Variants in ASXL2 observed in about 807,000 individuals in gnomAD.
The protein encoded by ASXL2 is putative Polycomb group protein ASXL2.
In ASXL2, 23 loss-of-function variants were observed where a neutral mutation model predicts 122.0. That is an observed-to-expected ratio of 0.19 (90% confidence interval 0.14 to 0.27). ASXL2 has a LOEUF of 0.27. Ranked by LOEUF, ASXL2 falls within the 10% of genes least tolerant of loss-of-function variation. The pLI, the probability that ASXL2 is intolerant of heterozygous loss-of-function variation, is 1.00. For synonymous variants in ASXL2, 650 were observed against 637.0 expected, an observed-to-expected ratio of 1.02 and a Z score of -0.31; for missense variants, 1,518 against 1,713.8, an observed-to-expected ratio of 0.89 and a Z score of 2.02.
intron 3 of ASXL2, chr2:25,810,649 C>A: frequency 1.3e-6 from 1 of 783,826 alleles, no homozygotes; most frequent in Non-Finnish European, 2.2e-6. Flanking sequence ...AGTGGTGATC[C>A]CAGCCATGGT....
At chr2:25,774,912 T>C (rs1559507503) in intron 5 of ASXL2, among the ~76,000 whole-genome samples, 1 of 152,230 alleles carries the variant, frequency 6.6e-6, no homozygotes, top group Non-Finnish European at 1.5e-5. Flanking sequence ...TTTCTCAGAT[T>C]GCTAAGAAAG....
chr2:25,873,741 T>C (rs2089984875), intron 1 of ASXL2, among the ~76,000 whole-genome samples: 1 of 151,806 alleles, frequency 6.6e-6, no homozygotes, highest in Non-Finnish European at 1.5e-5. Context: ...CCACACCTTG[T>C]TTCTCATATT....
intron 10 of ASXL2, among the ~76,000 whole-genome samples, 167 bp downstream of exon 10, chr2:25,755,851 T>A (rs191338523): frequency 6.6e-6 from 1 of 152,256 alleles, no homozygotes; most frequent in Non-Finnish European, 1.5e-5. Context: ...CCTGGTAACA[T>A]AGGCTCTAGA....
intron 3 of ASXL2, among the ~76,000 whole-genome samples, chr2:25,809,770 A>T (rs1422134508): frequency 6.6e-6 from 1 of 152,206 alleles, no homozygotes; most frequent in Non-Finnish European, 1.5e-5. Context: ...CTCTGGGAAG[A>T]GGCAGAGACA....
intron 1 of ASXL2, among the ~76,000 whole-genome samples, chr2:25,875,248 T>A (rs1404991419): frequency 6.6e-6 from 1 of 152,198 alleles, no homozygotes; most frequent in East Asian, 1.9e-4. Flanking sequence ...CCTTAGTTAC[T>A]GGAGCCAGTG....
intron 2 of ASXL2, among the ~76,000 whole-genome samples, chr2:25,843,027 A>C (rs556899591): frequency 6.7e-6 from 1 of 150,076 alleles, no homozygotes; most frequent in East Asian, 2.0e-4. Flanking sequence ...TTGGCTGGGC[A>C]CGGTGGCTCA....
At chr2:25,814,832 T>C (rs566070258) in intron 3 of ASXL2, among the ~76,000 whole-genome samples, 114 of 152,314 alleles carry the variant, frequency 7.5e-4, no homozygotes, top group African/African-American at 2.7e-3. Flanking sequence ...CATCACTGCA[T>C]GGTAAAGAGC....
At chr2:25,836,488 G>GA (rs142664005) in intron 2 of ASXL2, among the ~76,000 whole-genome samples, 6 of 151,568 alleles carry the variant, frequency 4.0e-5, no homozygotes, top group East Asian at 3.9e-4. Context: ...AGAGATATGG[G>GA]AAAAAAAATA....
intron 3 of ASXL2, among the ~76,000 whole-genome samples, chr2:25,819,488 T>C (rs967513073): frequency 1.3e-5 from 2 of 152,216 alleles, no homozygotes; most frequent in African/African-American, 4.8e-5. Context: ...TCACTAATAC[T>C]GTGGTACACT....
chr2:25,816,051 T>G (rs935416541), intron 3 of ASXL2, among the ~76,000 whole-genome samples: 2 of 152,160 alleles, frequency 1.3e-5, no homozygotes, highest in Non-Finnish European at 2.9e-5. Flanking sequence ...CTGTACAGAC[T>G]AACCCCAAGT....
chr2:25,813,680 A>G (rs1185892902), intron 3 of ASXL2, among the ~76,000 whole-genome samples: 2 of 152,234 alleles, frequency 1.3e-5, no homozygotes, highest in African/African-American at 4.8e-5. Flanking sequence ...AATAACAACA[A>G]AACAGTCATT....
At chr2:25,792,978 C>A (rs1023549688) in intron 5 of ASXL2, among the ~76,000 whole-genome samples, 1 of 151,676 alleles carries the variant, frequency 6.6e-6, no homozygotes, top group Non-Finnish European at 1.5e-5. Context: ...TTAGGCCGGG[C>A]GTGGCGGCTC....
At chr2:25,746,468 T>C (rs2087943196) in intron 12 of ASXL2, among the ~76,000 whole-genome samples, 1 of 150,656 alleles carries the variant, frequency 6.6e-6, no homozygotes, top group Admixed American at 6.6e-5. Context: ...TATTGTCCCT[T>C]ATTTATATCA....
At chr2:25,796,230 TTAAA>T (rs746989653) in intron 5 of ASXL2, among the ~76,000 whole-genome samples, 8 of 152,200 alleles carry the variant, frequency 5.3e-5, no homozygotes, top group Non-Finnish European at 8.8e-5. Flanking sequence ...CTGAAGGGAC[TTAAA>T]TGAATGAGTC....
rs1457367490 is a variant in ASXL2, at chr2:25,753,658, A to G, written c.1037-19T>C. On this transcript the variant is annotated intron_variant, in intron 10 of 12. Coordinates refer to ENST00000435504, the MANE Select transcript of ASXL2 (RefSeq NM_018263.6). ...AACTCACCTGCAATGTACCCAAAAA[A>G]GGATATTCAATAGAAAAATGCTATT... is the stretch of plus-strand genomic sequence containing the variant. The G allele has an allele frequency of 5.1e-6, 8 of 1,562,060 alleles. No individual in the cohort carries two copies. The highest frequency in any genetic ancestry group is 7.0e-6 in the Non-Finnish European group (8 of 1,142,102).
intron 12 of ASXL2, among the ~76,000 whole-genome samples, chr2:25,748,767 A>C (rs2149140031): frequency 6.6e-6 from 1 of 152,382 alleles, no homozygotes; most frequent in South Asian, 2.1e-4. Flanking sequence ...CCAAGTATTA[A>C]TAAACCTTTA....
At chr2:25,850,489 C>T (rs113437909) in intron 1 of ASXL2, among the ~76,000 whole-genome samples, 6,457 of 152,200 alleles carry the variant, frequency 0.042, 213 homozygotes, top group African/African-American at 0.08. Flanking sequence ...AAATTAGAAT[C>T]GAAATCTAGA....
Position 25,878,149 on chromosome 2 carries a change from C to T in ASXL2, c.57+17G>A, listed in dbSNP as rs773421661. ...ACAAAATCCTCCCGGCCTTCCCCTT[C>T]GCTCCCTCCCCCTTACCGTCTTGGC... is the stretch of plus-strand genomic sequence containing the variant. On this transcript the variant is annotated intron_variant, in intron 1 of 12. Transcript: ENST00000435504. 4 of 1,613,762 alleles carry T rather than the reference C, an allele frequency of 2.5e-6. No individual in the cohort carries two copies. The South Asian group carries it at 4.4e-5, about 18-fold the overall frequency.
At chr2:25,784,311 C>T (rs533679711) in intron 5 of ASXL2, among the ~76,000 whole-genome samples, 7 of 152,172 alleles carry the variant, frequency 4.6e-5, no homozygotes, top group East Asian at 1.9e-4. Flanking sequence ...TGTAAGCCTC[C>T]TTCAGCTTTG....
Sources: gnomAD v4.1 joint callset for allele counts (sites outside exome capture counted in the v4.1 genomes callset) on GRCh38, gnomAD v4.1.1 for gene constraint, MANE v1.5 for transcripts, NCBI Gene and HGNC (gene_info 2026-07-23, HGNC 2026-07-21) for gene names.